GRIK2: variants seen among roughly 807,000 people sequenced by gnomAD.
GRIK2 encodes the protein glutamate receptor ionotropic, kainate 2.
Under a neutral mutation model 100.3 loss-of-function variants are expected in GRIK2, and 32 were observed. That is an observed-to-expected ratio of 0.32 (90% CI 0.24 to 0.43). The LOEUF (loss-of-function observed/expected upper bound fraction) is 0.43, where lower values mean the gene tolerates loss of function less well. Ranked by LOEUF, GRIK2 falls within the 20% of genes least tolerant of loss-of-function variation. GRIK2 has a pLI of 1.00. For synonymous variants in GRIK2, 417 were observed against 389.4 expected (o/e 1.07, Z -0.83); for missense variants, 843 against 1,114.9 (o/e 0.76, Z 3.47).
intron 2 of GRIK2, among the ~76,000 whole-genome samples, chr6:101,499,137 A>G (rs533060452): frequency 6.6e-6 from 1 of 152,202 alleles, no homozygotes; most frequent in Non-Finnish European, 1.5e-5. Context: ...AAGATGGATT[A>G]AAGACTTAAA....
intron 7 of GRIK2, among the ~76,000 whole-genome samples, chr6:101,754,788 G>C (rs1216537477): frequency 6.6e-6 from 1 of 152,174 alleles, no homozygotes; most frequent in Non-Finnish European, 1.5e-5. Flanking sequence ...TAGCAGAAAC[G>C]ATATGTGCAA....
chr6:101,629,373 AT>A (rs1780605198), intron 4 of GRIK2, among the ~76,000 whole-genome samples: 2 of 152,124 alleles, frequency 1.3e-5, no homozygotes, highest in South Asian at 4.1e-4. Flanking sequence ...GCAACATTTA[AT>A]TCAATGAATT....
intron 11 of GRIK2, among the ~76,000 whole-genome samples, chr6:101,861,777 G>A (rs759980537): frequency 3.9e-5 from 6 of 152,092 alleles, no homozygotes; most frequent in Non-Finnish European, 8.8e-5. Context: ...AGGGGACAAA[G>A]CTCTTGACCC....
Position 101,679,042 on chromosome 6 carries a change from A to G in GRIK2, c.723+2238A>G, listed in dbSNP as rs116965359. Among the ~76,000 whole-genome samples the G allele has an allele frequency of 3.7e-3, 571 of 152,308 alleles. 1 individual carries two copies. The highest frequency in any genetic ancestry group is 0.017 in the Middle Eastern group (5 of 294). ...CTACCTCCATCCAGATTTATCAAAGAAAATACCCTAGGGCAGAGCCAAGAT... is the reference window on the plus strand; with the variant it reads ...CTACCTCCATCCAGATTTATCAAAGGAAATACCCTAGGGCAGAGCCAAGAT... On this transcript the variant is annotated intron_variant, in intron 5 of 16. Coordinates refer to ENST00000369134, the MANE Select transcript of GRIK2 (RefSeq NM_021956.5).
intron 12 of GRIK2, chr6:101,891,688 G>C (rs1787110424): frequency 2.9e-6 from 1 of 340,766 alleles, no homozygotes; most frequent in Non-Finnish European, 5.7e-6. Context: ...CTAAAACTAT[G>C]TATTGGAAGC....
chr6:101,964,938 T>C (rs1190599315), intron 14 of GRIK2, among the ~76,000 whole-genome samples: 1 of 150,870 alleles, frequency 6.6e-6, no homozygotes, highest in Non-Finnish European at 1.5e-5. Flanking sequence ...GGGTGTAGAT[T>C]ATGTTAAGTT....
chr6:102,055,023 T>C (rs763601439), intron 15 of GRIK2, among the ~76,000 whole-genome samples: 1 of 152,212 alleles, frequency 6.6e-6, no homozygotes, highest in Non-Finnish European at 1.5e-5. Context: ...ATCTTTGCAC[T>C]CTATCCGTTT....
At chr6:101,866,972 T>C (rs888187795) in intron 11 of GRIK2, among the ~76,000 whole-genome samples, 6 of 151,870 alleles carry the variant, frequency 4.0e-5, no homozygotes, top group Admixed American at 1.3e-4. Context: ...GTTTGTCACA[T>C]TTAGTCATTT....
At chr6:101,427,084 T>C (rs1209336002) in intron 2 of GRIK2, among the ~76,000 whole-genome samples, 1 of 152,170 alleles carries the variant, frequency 6.6e-6, no homozygotes, top group East Asian at 1.9e-4. Context: ...GAGGGGCCTG[T>C]GGAGCTTGGA....
At position 101,746,479 on chromosome 6, in the gene GRIK2, A is replaced by G. The variant is rs187347683; in HGVS notation, c.952-53169A>G. Among the ~76,000 whole-genome samples, 180 of 152,192 alleles carry G rather than the reference A, an allele frequency of 1.2e-3. 1 individual carries two copies. Among genetic ancestry groups the G allele is most frequent in the African/African-American group, 4.2e-3 (173 of 41,522 alleles). On this transcript the variant is annotated intron_variant, in intron 7 of 16. Transcript: ENST00000369134. ...GTAGCTGGGATAACAGGCATGTTCC[A>G]CCATGCCTGGCTAATTTTTGTATTT...
intron 13 of GRIK2, among the ~76,000 whole-genome samples, chr6:101,925,778 A>T (rs1340827354): frequency 1.3e-5 from 2 of 152,040 alleles, no homozygotes; most frequent in Non-Finnish European, 2.9e-5. Context: ...GATCTGAAGA[A>T]GTGGAAATTT....
chr6:101,928,329 AT>A lies in GRIK2; in HGVS notation c.1868-84del, dbSNP rs55994890. 4,007 of 747,388 alleles carry A rather than the reference AT, an allele frequency of 5.4e-3. 23 individuals carry two copies. The highest frequency in any genetic ancestry group is 0.013 in the Middle Eastern group (44 of 3,424). The allele number at this position is 747,388 out of a possible 1,614,324, so 46.3% of individuals were successfully genotyped here. The stretch of plus-strand genomic sequence containing the variant: ...TGATTTAAGCTTTTATTACACAGTG[AT>A]TCCATTCTGCCACTGTGACAAAAAG... On this transcript the variant is annotated intron_variant, in intron 13 of 16. Coordinates refer to ENST00000369134, the MANE Select transcript of GRIK2 (RefSeq NM_021956.5).
At chr6:101,422,200 A>G (rs1776444055) in intron 2 of GRIK2, among the ~76,000 whole-genome samples, 1 of 152,192 alleles carries the variant, frequency 6.6e-6, no homozygotes, top group East Asian at 1.9e-4. Flanking sequence ...CATAATCGGC[A>G]CAGGTTTTTA....
intron 14 of GRIK2, among the ~76,000 whole-genome samples, chr6:101,959,426 G>C (rs1792145139): frequency 6.6e-6 from 1 of 152,034 alleles, no homozygotes; most frequent in East Asian, 1.9e-4. Context: ...GGTATCACTT[G>C]TAGTCACACC....
At chr6:101,816,782 C>T (rs1781659455) in intron 9 of GRIK2, among the ~76,000 whole-genome samples, 1 of 151,994 alleles carries the variant, frequency 6.6e-6, no homozygotes, top group African/African-American at 2.4e-5. Flanking sequence ...CCCCTCCATC[C>T]TTCCCTACCC....
In GRIK2 at chr6:101,667,157, T is replaced by C. The variant is rs151020917; in HGVS notation, c.542-9466T>C. 4.2e-3 allele frequency among the ~76,000 whole-genome samples: 646 copies of C among 152,228 alleles called. 7 individuals carry two copies. The highest frequency in any genetic ancestry group is 0.014 in the African/African-American group (601 of 41,542). ...TGACATTGTTATGCCACATATAAGATCATCCTGTGGGTTTCAGCCGCTCTC... is the reference window on the plus strand; with the variant it reads ...TGACATTGTTATGCCACATATAAGACCATCCTGTGGGTTTCAGCCGCTCTC... On this transcript the variant is annotated intron_variant, in intron 4 of 16. Transcript: ENST00000369134.
chr6:102,002,001 TGTTGAGAGTGGATACCTAAAAAAAA>T (rs911289103), intron 14 of GRIK2, among the ~76,000 whole-genome samples: 20 of 151,876 alleles, frequency 1.3e-4, no homozygotes, highest in African/African-American at 4.8e-4. Flanking sequence ...CATATAAGTT[TGTTGAGAGTGGATACCTAAAAAAAA>T]GTGAACTTAT....
intron 2 of GRIK2, among the ~76,000 whole-genome samples, chr6:101,617,702 T>G (rs1779960479): frequency 6.6e-6 from 1 of 151,818 alleles, no homozygotes. Flanking sequence ...ATTGATCACT[T>G]TTTTATGTAC....
chr6:101,601,555 A>G lies in GRIK2; in HGVS notation c.116-20394A>G, dbSNP rs148464798. On this transcript the variant is annotated intron_variant, in intron 2 of 16. Coordinates refer to ENST00000369134, the MANE Select transcript of GRIK2 (RefSeq NM_021956.5). Reference sequence around the variant, plus strand: ...ACTGATAGAATTTGGCTGTAAAGCCATCTGGTCTGGGGTGTTTTAGATTTG... The same window carrying G: ...ACTGATAGAATTTGGCTGTAAAGCCGTCTGGTCTGGGGTGTTTTAGATTTG... Among the ~76,000 whole-genome samples the G allele has an allele frequency of 2.2e-4, 34 of 152,020 alleles. 1 individual carries two copies. Among genetic ancestry groups the G allele is most frequent in the African/African-American group, 7.2e-4 (30 of 41,526 alleles).
Sources: allele counts gnomAD v4.1 joint callset (sites outside exome capture counted in the v4.1 genomes callset), GRCh38; gene constraint gnomAD v4.1.1; transcripts MANE v1.5; gene names NCBI Gene and HGNC (gene_info 2026-07-23, HGNC 2026-07-21).